Variants in KSR1 observed in about 807,000 individuals in gnomAD.
The protein encoded by KSR1 is kinase suppressor of ras.
In KSR1, 35 loss-of-function variants were observed where a neutral mutation model predicts 92.9. The ratio of observed to expected loss-of-function variants is 0.38; its 90% CI spans 0.29 to 0.50. The LOEUF (loss-of-function observed/expected upper bound fraction) is 0.50, where lower values mean the gene tolerates loss of function less well. Ranked by LOEUF, KSR1 falls within the 20% of genes least tolerant of loss-of-function variation. The probability of loss-of-function intolerance (pLI) is 0.94; values close to 1 mark genes in which losing one functional copy is unlikely to be tolerated. For missense variants in KSR1, 972 were observed against 1,158.5 expected, an observed-to-expected ratio of 0.84 and a Z score of 2.34; for synonymous variants, 467 against 472.6, an observed-to-expected ratio of 0.99 and a Z score of 0.15.
At chr17:27,590,212 T>C (rs1324566746) in intron 6 of KSR1, among the ~76,000 whole-genome samples, 1 of 152,252 alleles carries the variant, frequency 6.6e-6, no homozygotes, top group Non-Finnish European at 1.5e-5. Context: ...TAGCTTAGTT[T>C]TTTTCCTGTA....
At chr17:27,463,596 G>A (rs2019549120) in intron 1 of KSR1, among the ~76,000 whole-genome samples, 1 of 152,086 alleles carries the variant, frequency 6.6e-6, no homozygotes, top group South Asian at 2.1e-4. Context: ...CAGGCATTGT[G>A]GCTTCTAGTT....
intron 10 of KSR1, among the ~76,000 whole-genome samples, chr17:27,597,841 A>T (rs1444628474): frequency 6.6e-6 from 1 of 152,186 alleles, no homozygotes; most frequent in Non-Finnish European, 1.5e-5. Context: ...GGCCTCAGGG[A>T]GGGAATCTGG....
intron 18 of KSR1, among the ~76,000 whole-genome samples, chr17:27,615,197 A>G (rs1371172701): frequency 6.6e-6 from 1 of 152,202 alleles, no homozygotes; most frequent in Admixed American, 6.5e-5. Flanking sequence ...TTTCTGCTGC[A>G]CCACTTTGGT....
At chr17:27,599,883 T>G (rs1026160263) in intron 10 of KSR1, among the ~76,000 whole-genome samples, 4 of 152,122 alleles carry the variant, frequency 2.6e-5, no homozygotes, top group African/African-American at 9.7e-5. Flanking sequence ...TTTTACTTTT[T>G]AAACTTTTTT....
intron 1 of KSR1, among the ~76,000 whole-genome samples, chr17:27,474,335 T>C (rs751181317): frequency 6.6e-6 from 1 of 152,236 alleles, no homozygotes; most frequent in Non-Finnish European, 1.5e-5. Context: ...GTTCCAAAAG[T>C]CAGACCTGCT....
chr17:27,611,580 A>G lies in KSR1; in HGVS notation c.2444A>G (p.Glu815Gly). Reference sequence around the variant, plus strand: ...TCCATCTGGCAGATTGGAAGCGGGGAAGGAATGAAGCGTGTCCTGACTTCT... The same window carrying G: ...TCCATCTGGCAGATTGGAAGCGGGGGAGGAATGAAGCGTGTCCTGACTTCT... ...EASIWQIGSG[E>G]GMKRVLTSVS... Residue 815 changes from glutamate to glycine, a missense_variant, in exon 18 of 21, where the codon GAA becomes GGA. Glu to Gly is a moderately conservative substitution (Grantham distance 98). Transcript: ENST00000644974. 6.2e-7 allele frequency: 1 copy of G among 1,613,742 alleles called. No individual in the cohort carries two copies. Among genetic ancestry groups the G allele is most frequent in the Non-Finnish European group, 8.5e-7 (1 of 1,179,764 alleles).
intron 2 of KSR1, among the ~76,000 whole-genome samples, chr17:27,568,499 A>C (rs1200470098): frequency 6.6e-6 from 1 of 152,216 alleles, no homozygotes; most frequent in Non-Finnish European, 1.5e-5. Context: ...TGCCCTGTGC[A>C]TGTGGAGGAG....
Position 27,592,635 on chromosome 17 carries a change from G to A in KSR1, c.1299+9G>A, listed in dbSNP as rs1462032741. 3 of 1,610,570 alleles carry A rather than the reference G, an allele frequency of 1.9e-6. No individual in the cohort carries two copies. In the East Asian group the frequency reaches 6.7e-5, roughly 36 times the overall value. On this transcript the variant is annotated intron_variant, in intron 9 of 20. Transcript: ENST00000644974. ...AAGCACTGACAAAGAAGGTACGCTG[G>A]GTAATGCTGGGGAGGACGCCCTTCT...
rs143969001 is a variant in KSR1, at chr17:27,510,830, T to G, written c.232-39738T>G. On this transcript the variant is annotated intron_variant, in intron 1 of 20. Transcript: ENST00000644974. ...CTCAATTCTCTGCAGCAAATGCACT[T>G]TGATCCTCCTCTGAGCATCCCGCAT... Among the ~76,000 whole-genome samples, 138 of 152,344 alleles carry G rather than the reference T, an allele frequency of 9.1e-4. 1 individual carries two copies. In the Middle Eastern group the frequency reaches 0.01, roughly 11 times the overall value.
intron 1 of KSR1, among the ~76,000 whole-genome samples, chr17:27,499,375 T>C (rs963833583): frequency 2.6e-5 from 4 of 152,122 alleles, no homozygotes; most frequent in East Asian, 1.9e-4. Flanking sequence ...TATCAGTCAA[T>C]TGAAGTAGCT....
At position 27,553,305 on chromosome 17, in the gene KSR1, G is replaced by C. The variant is rs191829404; in HGVS notation, c.372+2597G>C. On this transcript the variant is annotated intron_variant, in intron 2 of 20. Transcript: ENST00000644974. The stretch of plus-strand genomic sequence containing the variant: ...GAGCCAGACCCAGCAGAGGCAGCTA[G>C]AGAGGCCTGCACATACGGCAGCTCT... Among the ~76,000 whole-genome samples the C allele has an allele frequency of 1.4e-3, 215 of 152,344 alleles. 1 individual carries two copies. The highest frequency in any genetic ancestry group is 1.2e-3 in the Non-Finnish European group (85 of 68,030).
intron 2 of KSR1, among the ~76,000 whole-genome samples, chr17:27,558,589 C>A (rs1325828859): frequency 6.6e-6 from 1 of 152,018 alleles, no homozygotes; most frequent in African/African-American, 2.4e-5. Context: ...GAGGCCCTGG[C>A]AAATACTTAC....
At chr17:27,492,235 G>C (rs977698461) in intron 1 of KSR1, among the ~76,000 whole-genome samples, 1 of 152,200 alleles carries the variant, frequency 6.6e-6, no homozygotes, top group Non-Finnish European at 1.5e-5. Flanking sequence ...TCATTTAGAG[G>C]CTGTGGTTCA....
chr17:27,476,837 C>T (rs995744444), intron 1 of KSR1, among the ~76,000 whole-genome samples: 7 of 152,102 alleles, frequency 4.6e-5, no homozygotes, highest in East Asian at 1.9e-4. Context: ...AAAGGGGTCC[C>T]GATCCAGACC....
intron 1 of KSR1, among the ~76,000 whole-genome samples, chr17:27,502,893 A>G (rs2069242740): frequency 6.6e-6 from 1 of 152,140 alleles, no homozygotes; most frequent in African/African-American, 2.4e-5. Context: ...ATCACTTCTC[A>G]CGGACAGTAA....
chr17:27,484,825 C>T (rs2068617302), intron 1 of KSR1, among the ~76,000 whole-genome samples: 1 of 152,212 alleles, frequency 6.6e-6, no homozygotes, highest in East Asian at 1.9e-4. Context: ...AGGGGATTAA[C>T]CGGGGAGCTG....
intron 1 of KSR1, 93 bp downstream of exon 1, chr17:27,456,967 C>T (rs1301917793): frequency 2.0e-5 from 14 of 698,284 alleles, no homozygotes; most frequent in Non-Finnish European, 3.4e-5. Flanking sequence ...CATCCTTGAG[C>T]CCGCGTCGCC....
chr17:27,561,108 GTTTCATCCTT>G (rs146332036), intron 2 of KSR1, among the ~76,000 whole-genome samples: 1,534 of 152,328 alleles, frequency 0.01, 20 homozygotes, highest in African/African-American at 0.035. Context: ...ATGTCATCCT[GTTTCATCCTT>G]ATCCCTGGGA....
At chr17:27,596,459 GA>G (rs1007824564) in intron 9 of KSR1, among the ~76,000 whole-genome samples, 1 of 152,224 alleles carries the variant, frequency 6.6e-6, no homozygotes, top group African/African-American at 2.4e-5. Flanking sequence ...TTAGCAGGGG[GA>G]GCATGCTTGC....
Sources: allele counts gnomAD v4.1 joint callset (sites outside exome capture counted in the v4.1 genomes callset), GRCh38; gene constraint gnomAD v4.1.1; transcripts MANE v1.5; gene names NCBI Gene and HGNC (gene_info 2026-07-23, HGNC 2026-07-21).